The following YIPF1 variants were observed in gnomAD, a reference collection of about 807,000 sequenced individuals.
YIPF1 encodes the protein Yip1 domain family member 1.
In YIPF1, 22 loss-of-function variants were observed where a neutral mutation model predicts 37.0. The observed-to-expected ratio is 0.59, with a 90% confidence interval of 0.42 to 0.85. YIPF1 has a LOEUF of 0.85. YIPF1 is among the 40% of genes least tolerant of loss of function. YIPF1 has a pLI of 0.00. For synonymous variants in YIPF1, 128 were observed against 131.9 expected (o/e 0.97, Z 0.21); for missense variants, 355 against 373.1 (o/e 0.95, Z 0.40).
chr1:53,887,156 G>A (rs1275265206), intron 3 of YIPF1, among the ~76,000 whole-genome samples: 8 of 151,912 alleles, frequency 5.3e-5, no homozygotes, highest in East Asian at 3.9e-4. Context: ...GTGCGATCTC[G>A]GTTCACTGCA....
In YIPF1 at chr1:53,883,045, G is replaced by C. The variant is rs1557611003; in HGVS notation, c.195+68C>G. 4.0e-6 allele frequency: 6 copies of C among 1,484,370 alleles called. No homozygotes were observed. The South Asian group carries it at 7.0e-5, about 17-fold the overall frequency. The allele number at this position is 1,484,370 out of a possible 1,614,324, so 91.9% of individuals were successfully genotyped here. A position where few individuals can be genotyped will look rare whatever the true frequency, so the allele number is the denominator to read the frequency against. ...CTGACACTGTACCTGGCACACAGTAGACAGTGAATAAGCACATAAACAAGC... is the reference window on the plus strand; with the variant it reads ...CTGACACTGTACCTGGCACACAGTACACAGTGAATAAGCACATAAACAAGC... On this transcript the variant is annotated intron_variant, in intron 4 of 10. Coordinates refer to ENST00000072644, the MANE Select transcript of YIPF1 (RefSeq NM_018982.5).
At chr1:53,886,385 ATG>A (rs1650652312) in intron 3 of YIPF1, among the ~76,000 whole-genome samples, 1 of 151,924 alleles carries the variant, frequency 6.6e-6, no homozygotes, top group Admixed American at 6.6e-5. Context: ...TAAAACTGGT[ATG>A]TGTCTTATTT....
chr1:53,882,408 C>A (rs958142326), intron 4 of YIPF1, among the ~76,000 whole-genome samples: 1 of 151,828 alleles, frequency 6.6e-6, no homozygotes, highest in African/African-American at 2.4e-5. Flanking sequence ...TGGTGGTAAA[C>A]AGCCCATTCC....
At position 53,854,243 on chromosome 1, in the gene YIPF1, C is replaced by T. The variant is rs184922312; in HGVS notation, c.*9-1973G>A. ...CTCCAGCTTGGGCAACAGAGTGAGACTCTGTCTGAAAAAAAAGAAAAAAAA... is the reference window on the plus strand; with the variant it reads ...CTCCAGCTTGGGCAACAGAGTGAGATTCTGTCTGAAAAAAAAGAAAAAAAA... On this transcript the variant is annotated intron_variant, in intron 10 of 10. Coordinates refer to ENST00000072644, the MANE Select transcript of YIPF1 (RefSeq NM_018982.5). Among the ~76,000 whole-genome samples, 285 of 120,196 alleles carry T rather than the reference C, an allele frequency of 2.4e-3. 1 individual carries two copies. Among genetic ancestry groups the T allele is most frequent in the African/African-American group, 8.8e-3 (273 of 30,848 alleles). The allele number at this position is 120,196 out of a possible 152,430, so 78.9% of individuals were successfully genotyped here.
chr1:53,878,242 C>T, intron 6 of YIPF1, 73 bp downstream of exon 6: 2 of 1,491,776 alleles, frequency 1.3e-6, no homozygotes, highest in South Asian at 1.2e-5. Flanking sequence ...TGCAGTTCTC[C>T]ACATTTCCAG....
intron 6 of YIPF1, among the ~76,000 whole-genome samples, chr1:53,873,337 A>G (rs542644193): frequency 1.2e-4 from 19 of 152,322 alleles, no homozygotes; most frequent in African/African-American, 4.3e-4. Context: ...TCACCAAGTG[A>G]GGACAGAAGA....
At chr1:53,881,511 G>A (rs1198492543) in intron 4 of YIPF1, among the ~76,000 whole-genome samples, 1 of 151,974 alleles carries the variant, frequency 6.6e-6, no homozygotes, top group African/African-American at 2.4e-5. Flanking sequence ...AAGTACTTAA[G>A]CAAATTTACA....
chr1:53,877,794 G>C (rs1480003508), intron 6 of YIPF1, among the ~76,000 whole-genome samples: 1 of 152,212 alleles, frequency 6.6e-6, no homozygotes, highest in African/African-American at 2.4e-5. Flanking sequence ...AAAGTTATTT[G>C]AAGAATTTTT....
intron 9 of YIPF1, among the ~76,000 whole-genome samples, chr1:53,861,582 T>C (rs1450193580): frequency 6.9e-6 from 1 of 144,126 alleles, no homozygotes; most frequent in African/African-American, 2.6e-5. Context: ...GAGAGAGAGA[T>C]TGGGTGTGGT....
chr1:53,870,643 A>G (rs1415603274), intron 7 of YIPF1, among the ~76,000 whole-genome samples: 3 of 152,282 alleles, frequency 2.0e-5, no homozygotes, highest in East Asian at 3.9e-4. Context: ...AAATGTGGAT[A>G]ATACAAATAA....
At chr1:53,879,573 A>C (rs1479257820) in intron 4 of YIPF1, among the ~76,000 whole-genome samples, 1 of 152,154 alleles carries the variant, frequency 6.6e-6, no homozygotes, top group African/African-American at 2.4e-5. Flanking sequence ...CCAACAACAC[A>C]GCTCTTTGGT....
intron 10 of YIPF1, among the ~76,000 whole-genome samples, chr1:53,855,202 G>A (rs1339500430): frequency 1.1e-4 from 16 of 151,610 alleles, no homozygotes; most frequent in Non-Finnish European, 7.4e-5. Context: ...AGCCCTCTCT[G>A]CATCATTAAT....
At chr1:53,869,344 G>T (rs1046157308) in intron 7 of YIPF1, among the ~76,000 whole-genome samples, 9 of 151,980 alleles carry the variant, frequency 5.9e-5, no homozygotes, top group Non-Finnish European at 1.3e-4. Context: ...GTGTGTGTGT[G>T]TGTATAGTAA....
intron 6 of YIPF1, among the ~76,000 whole-genome samples, chr1:53,873,560 C>T (rs2100733561): frequency 6.6e-6 from 1 of 152,236 alleles, no homozygotes; most frequent in South Asian, 2.1e-4. Context: ...AGCCTGTAGT[C>T]CCAGCTACTC....
At chr1:53,865,818 G>A (rs770808593) in intron 9 of YIPF1, among the ~76,000 whole-genome samples, 5 of 151,700 alleles carry the variant, frequency 3.3e-5, no homozygotes, top group Non-Finnish European at 5.9e-5. Context: ...GGTCTCCCTC[G>A]GTCACCCAGG....
At chr1:53,878,862 T>C in intron 4 of YIPF1, 140 bp from the exon 5 acceptor site, 1 of 684,224 alleles carries the variant, frequency 1.5e-6, no homozygotes, top group Non-Finnish European at 2.3e-6. Flanking sequence ...TAACCAACTC[T>C]GAAATAGCCA....
rs1208581302 is a variant in YIPF1 at position 53,883,188 on chromosome 1, C to A, written c.120G>T (p.Gln40His). 1.9e-6 allele frequency: 3 copies of A among 1,602,726 alleles called. No homozygotes were observed. Among genetic ancestry groups the A allele is most frequent in the Admixed American group, 3.5e-5 (2 of 57,830 alleles). The change falls in exon 4 of 11, where the codon CAG becomes CAT. Residue 40 changes from glutamine to histidine, a missense_variant. By Grantham distance (24) the Gln-to-His change is conservative. Coordinates refer to ENST00000072644, the MANE Select transcript of YIPF1 (RefSeq NM_018982.5). ...IEDPGETPKH[Q>H]PGSPRGSGRE... ...TTCCTGAGCCTCTTGGGGATCCTGG[C>A]TGATGTTTTGGGGTTTCACCAGGAT...
At chr1:53,870,325 C>T (rs1248549468) in intron 7 of YIPF1, among the ~76,000 whole-genome samples, 1 of 151,674 alleles carries the variant, frequency 6.6e-6, no homozygotes, top group African/African-American at 2.4e-5. Context: ...CATGCACCAC[C>T]ATACCCGGTA....
intron 9 of YIPF1, among the ~76,000 whole-genome samples, chr1:53,863,691 T>C (rs750773998): frequency 1.2e-4 from 18 of 152,142 alleles, no homozygotes; most frequent in Middle Eastern, 3.4e-3. Context: ...AAGGGAACAA[T>C]AGGCACAGGA....
Sources: gnomAD v4.1 joint callset for allele counts (sites outside exome capture counted in the v4.1 genomes callset) on GRCh38, gnomAD v4.1.1 for gene constraint, MANE v1.5 for transcripts, NCBI Gene and HGNC (gene_info 2026-07-23, HGNC 2026-07-21) for gene names.